The following SLC35F2 variants were observed in gnomAD, a reference collection of about 807,000 sequenced individuals.
SLC35F2 encodes the protein queuine/queuosine transporter SLC35F2.
SLC35F2 carries 25 observed loss-of-function variants against 38.1 expected under a neutral mutation model. The observed-to-expected ratio is 0.66, with a 90% CI of 0.48 to 0.92. The LOEUF (loss-of-function observed/expected upper bound fraction) is 0.92. Among genes scored for constraint, SLC35F2 ranks in the 40% least tolerant of loss-of-function variants. The pLI is 0.00. For missense variants in SLC35F2, 409 were observed against 452.9 expected (o/e 0.90, Z 0.88); for synonymous variants, 173 against 181.7 (o/e 0.95, Z 0.38).
chr11:107,803,096 C>T lies in SLC35F2; in HGVS notation c.844G>A (p.Val282Met). The change falls in exon 7 of 8, where the codon GTG becomes ATG. Residue 282 changes from valine (V) to methionine (M), a missense_variant. Transcript: ENST00000525815. ...GAAGTGGCACTAGTGACTTTAATCACCAATGGCATGAAGCTGTACAGGCAA... is the reference window on the plus strand; with the variant it reads ...GAAGTGGCACTAGTGACTTTAATCATCAATGGCATGAAGCTGTACAGGCAA... ...MFCLYSFMPL[V>M]IKVTSATSVN... 1 of 1,613,920 alleles carries T rather than the reference C, an allele frequency of 6.2e-7. No individual in the cohort carries two copies. The highest frequency in any genetic ancestry group is 8.5e-7 in the Non-Finnish European group (1 of 1,179,950).
intron 3 of SLC35F2, chr11:107,810,314 T>G: frequency 1.4e-5 from 14 of 985,390 alleles, no homozygotes; most frequent in Non-Finnish European, 1.6e-5. Flanking sequence ...AAAGAAGGCA[T>G]GAACTTCAGT....
chr11:107,850,543 C>A (rs994680442), intron 1 of SLC35F2, among the ~76,000 whole-genome samples: 1 of 152,042 alleles, frequency 6.6e-6, no homozygotes, highest in Non-Finnish European at 1.5e-5. Flanking sequence ...AACTCAAGGC[C>A]GGGCACGGTG....
At chr11:107,844,072 T>C (rs1860063873) in intron 1 of SLC35F2, among the ~76,000 whole-genome samples, 1 of 151,846 alleles carries the variant, frequency 6.6e-6, no homozygotes, top group African/African-American at 2.4e-5. Context: ...TCCCTAGAGA[T>C]ACAAATAATC....
intron 1 of SLC35F2, among the ~76,000 whole-genome samples, chr11:107,841,823 T>C (rs1860015962): frequency 6.6e-6 from 1 of 151,774 alleles, no homozygotes; most frequent in African/African-American, 2.4e-5. Flanking sequence ...AATACAAAAA[T>C]TAAGGCCGAG....
intron 3 of SLC35F2, chr11:107,809,795 T>C (rs1859454481): frequency 1.0e-6 from 1 of 985,012 alleles, no homozygotes. Flanking sequence ...AGAGGTACAA[T>C]AGAGTATAGA....
chr11:107,833,647 C>T (rs767437434), intron 1 of SLC35F2, among the ~76,000 whole-genome samples: 1 of 152,062 alleles, frequency 6.6e-6, no homozygotes, highest in Admixed American at 6.6e-5. Flanking sequence ...AACCATGTTC[C>T]CTCCTACATG....
intron 1 of SLC35F2, among the ~76,000 whole-genome samples, chr11:107,856,418 G>C (rs954510754): frequency 1.3e-4 from 20 of 152,142 alleles, no homozygotes; most frequent in Non-Finnish European, 2.9e-5. Context: ...GCACAGGCTG[G>C]GCGCGGTGGC....
rs555589060 is a variant in SLC35F2 at position 107,831,787 on chromosome 11, C to A, written c.111-15822G>T. On this transcript the variant is annotated intron_variant, in intron 1 of 7. Transcript: ENST00000525815. ...AGAGCTACTTTCTCCAGAGACTGGT[C>A]ACTACCAAATGAACTGATCATGATG... Among the ~76,000 whole-genome samples, 27 of 152,316 alleles carry A rather than the reference C, an allele frequency of 1.8e-4. No individual in the cohort carries two copies. The South Asian group carries it at 5.6e-3, about 32-fold the overall frequency.
chr11:107,833,199 G>C (rs567348273), intron 1 of SLC35F2, among the ~76,000 whole-genome samples: 1 of 152,230 alleles, frequency 6.6e-6, no homozygotes, highest in African/African-American at 2.4e-5. Flanking sequence ...CCAATGCTGT[G>C]TGGTTGCAGA....
At chr11:107,852,637 C>T (rs1422222344) in intron 1 of SLC35F2, among the ~76,000 whole-genome samples, 2 of 151,866 alleles carry the variant, frequency 1.3e-5, no homozygotes, top group Non-Finnish European at 2.9e-5. Flanking sequence ...TGGAGGGGGC[C>T]GAGATGAGCA....
At chr11:107,843,166 GA>G (rs1385212287) in intron 1 of SLC35F2, among the ~76,000 whole-genome samples, 1 of 152,178 alleles carries the variant, frequency 6.6e-6, no homozygotes, top group African/African-American at 2.4e-5. Flanking sequence ...GAGAGCAAAG[GA>G]AGAGTGAAAG....
chr11:107,834,448 C>T (rs1487327377), intron 1 of SLC35F2, among the ~76,000 whole-genome samples: 2 of 152,010 alleles, frequency 1.3e-5, no homozygotes, highest in Non-Finnish European at 1.5e-5. Context: ...GTCAGGAGTT[C>T]GAGAACAGCC....
chr11:107,823,990 G>A (rs557050339), intron 1 of SLC35F2: 4 of 981,570 alleles, frequency 4.1e-6, no homozygotes, highest in Non-Finnish European at 3.6e-6. Flanking sequence ...TTTACATAGT[G>A]AGTAGCAGCC....
rs1565428438 is a variant in SLC35F2, at chr11:107,803,027, C to T, written c.913G>A (p.Val305Ile). ...ILTADLYSLFVGLFLFGYKFS... is the reference protein window; with the variant it reads ...ILTADLYSLFIGLFLFGYKFS... ...TTATAGCCAAACAGAAAGAGTCCAACAAAAAGGCTGTAGAGGTCCGCTGTC... is the reference window on the plus strand; with the variant it reads ...TTATAGCCAAACAGAAAGAGTCCAATAAAAAGGCTGTAGAGGTCCGCTGTC... Residue 305 changes from valine to isoleucine, a missense_variant, in exon 7 of 8, where the codon GTT becomes ATT. Physicochemically the swap from Val to Ile is conservative, Grantham distance 29. Coordinates refer to ENST00000525815, the MANE Select transcript of SLC35F2 (RefSeq NM_017515.5). The T allele has an allele frequency of 1.2e-6, 2 of 1,612,364 alleles. No homozygotes were observed. The highest frequency in any genetic ancestry group is 1.1e-5 in the South Asian group (1 of 90,724).
intron 7 of SLC35F2, among the ~76,000 whole-genome samples, chr11:107,801,056 C>T (rs1296397601): frequency 6.6e-6 from 1 of 152,044 alleles, no homozygotes; most frequent in East Asian, 1.9e-4. Flanking sequence ...AGGCATGTGC[C>T]ACCACACCCT....
intron 1 of SLC35F2, among the ~76,000 whole-genome samples, chr11:107,858,346 G>C (rs1860329627): frequency 6.6e-6 from 1 of 152,154 alleles, no homozygotes; most frequent in African/African-American, 2.4e-5. Flanking sequence ...CGGGGACCTC[G>C]TCCCTCCACC....
At chr11:107,818,056 CAAA>C (rs57787130) in intron 1 of SLC35F2, among the ~76,000 whole-genome samples, 1,274 of 65,836 alleles carry the variant, frequency 0.019, 16 homozygotes, top group African/African-American at 0.059. Flanking sequence ...GACTCTGTCT[CAAA>C]AAAAAAAAAA....
At chr11:107,834,666 G>A (rs1859901317) in intron 1 of SLC35F2, among the ~76,000 whole-genome samples, 1 of 152,024 alleles carries the variant, frequency 6.6e-6, no homozygotes, top group Admixed American at 6.6e-5. Context: ...AAAATAAAAT[G>A]AATGAAGCTA....
intron 1 of SLC35F2, among the ~76,000 whole-genome samples, chr11:107,841,898 A>C (rs1192695947): frequency 6.6e-6 from 1 of 151,822 alleles, no homozygotes; most frequent in Non-Finnish European, 1.5e-5. Context: ...CCCCGTTTCT[A>C]CTAAAAATAC....
Sources: gnomAD v4.1 joint callset for allele counts (sites outside exome capture counted in the v4.1 genomes callset) on GRCh38, gnomAD v4.1.1 for gene constraint, MANE v1.5 for transcripts, NCBI Gene and HGNC (gene_info 2026-07-23, HGNC 2026-07-21) for gene names.